Variants in ZNF804B observed in about 807,000 individuals in gnomAD.
ZNF804B encodes the protein zinc finger 804B.
Under a neutral mutation model 101.4 loss-of-function variants are expected in ZNF804B, and 80 were observed. The ratio of observed to expected loss-of-function variants is 0.79; its 90% CI spans 0.66 to 0.95. The LOEUF is 0.95. Among genes scored for constraint, ZNF804B ranks in the 40% least tolerant of loss-of-function variants. The pLI is 0.00. For synonymous variants in ZNF804B, 622 were observed against 558.8 expected (o/e 1.11, Z -1.59); for missense variants, 1,673 against 1,561.9 (o/e 1.07, Z -1.20).
chr7:89,239,712 G>A (rs1789337639), intron 2 of ZNF804B, among the ~76,000 whole-genome samples: 1 of 151,918 alleles, frequency 6.6e-6, no homozygotes, highest in Admixed American at 6.6e-5. Flanking sequence ...TATATCTACA[G>A]ATACATTGAG....
intron 1 of ZNF804B, among the ~76,000 whole-genome samples, chr7:89,190,774 A>G (rs1349552630): frequency 6.6e-6 from 1 of 152,272 alleles, no homozygotes; most frequent in South Asian, 2.1e-4. Context: ...ATCAGTCAGC[A>G]GAAATCAACA....
chr7:88,817,831 A>G (rs953319543), intron 1 of ZNF804B, among the ~76,000 whole-genome samples: 2 of 152,142 alleles, frequency 1.3e-5, no homozygotes, highest in Non-Finnish European at 2.9e-5. Context: ...CCCCCCCTGA[A>G]CTGAACTGTT....
intron 2 of ZNF804B, among the ~76,000 whole-genome samples, chr7:89,255,000 T>C (rs116917116): frequency 0.041 from 6,190 of 152,234 alleles, 134 homozygotes; most frequent in Non-Finnish European, 0.049. Flanking sequence ...AGTATTGTAA[T>C]ATATTAATCT....
chr7:88,882,993 CT>C (rs1792066306), intron 1 of ZNF804B, among the ~76,000 whole-genome samples: 1 of 151,878 alleles, frequency 6.6e-6, no homozygotes, highest in Non-Finnish European at 1.5e-5. Context: ...CATGTACCCC[CT>C]GAATCTAAAA....
intron 1 of ZNF804B, among the ~76,000 whole-genome samples, chr7:88,986,406 A>T (rs182987653): frequency 4.6e-5 from 7 of 152,228 alleles, no homozygotes; most frequent in Non-Finnish European, 8.8e-5. Flanking sequence ...GAGAAGCAAA[A>T]CTGAATATCC....
At chr7:88,994,683 A>G (rs895783812) in intron 1 of ZNF804B, among the ~76,000 whole-genome samples, 9 of 152,082 alleles carry the variant, frequency 5.9e-5, no homozygotes, top group African/African-American at 2.2e-4. Context: ...GATTCTGTTT[A>G]GAGATTTTCC....
chr7:89,299,681 C>T (rs1312149032), intron 2 of ZNF804B, among the ~76,000 whole-genome samples: 1 of 152,018 alleles, frequency 6.6e-6, no homozygotes, highest in African/African-American at 2.4e-5. Context: ...ACACGTCTGA[C>T]GTGACTCACT....
intron 1 of ZNF804B, among the ~76,000 whole-genome samples, chr7:89,149,438 G>A (rs746256745): frequency 2.0e-5 from 3 of 151,948 alleles, no homozygotes; most frequent in Non-Finnish European, 4.4e-5. Context: ...CAGCCTTATA[G>A]TGTATATAAA....
At chr7:89,149,049 T>G (rs1421873981) in intron 1 of ZNF804B, among the ~76,000 whole-genome samples, 1 of 151,966 alleles carries the variant, frequency 6.6e-6, no homozygotes, top group Non-Finnish European at 1.5e-5. Context: ...ATCTTGTCAC[T>G]CAATAGAAGA....
chr7:88,841,319 C>T (rs1791288963), intron 1 of ZNF804B, among the ~76,000 whole-genome samples: 1 of 152,168 alleles, frequency 6.6e-6, no homozygotes, highest in African/African-American at 2.4e-5. Context: ...AGGGTGAGGA[C>T]TTTTGGTCAC....
At chr7:88,953,545 GTTGT>G (rs1793256546) in intron 1 of ZNF804B, among the ~76,000 whole-genome samples, 1 of 151,702 alleles carries the variant, frequency 6.6e-6, no homozygotes, top group Non-Finnish European at 1.5e-5. Flanking sequence ...TAGAATTGAG[GTTGT>G]TTATTTTGTA....
rs146493050 is a variant in ZNF804B at position 88,933,721 on chromosome 7, T to C, written c.108+173637T>C. 7.3e-4 allele frequency among the ~76,000 whole-genome samples: 110 copies of C among 151,534 alleles called. 2 individuals carry two copies. The East Asian group carries it at 0.016, about 22-fold the overall frequency. ...AAACAAACAAGGAGTTGAAAGATCT[T>C]TACGATGAAAACTACAAACCACTGC... On this transcript the variant is annotated intron_variant, in intron 1 of 3. Transcript: ENST00000333190.
Position 89,335,198 on chromosome 7 carries a change from T to A in ZNF804B, c.2216T>A (p.Leu739Ter), listed in dbSNP as rs757878367. 1 of 1,613,886 alleles carries A rather than the reference T, an allele frequency of 6.2e-7. No individual in the cohort carries two copies. Among genetic ancestry groups the A allele is most frequent in the Non-Finnish European group, 8.5e-7 (1 of 1,179,926 alleles). The part of the protein sequence containing the change: ...HRFNGNSRGN[L>*]LCFHKREHHS... ...TTCAATGGTAATAGCAGAGGTAATT[T>A]GCTCTGCTTCCATAAAAGAGAACAC... The change falls in exon 4 of 4, where the codon TTG (leucine) becomes TAG (stop). Residue 739 changes from leucine (L) to a stop codon, truncating the protein, a stop_gained. Coordinates refer to ENST00000333190, the MANE Select transcript of ZNF804B (RefSeq NM_181646.5). LOFTEE classifies it high-confidence loss of function.
chr7:89,276,076 C>A lies in ZNF804B; in HGVS notation c.250-51268C>A, dbSNP rs548428374. 1.5e-4 allele frequency among the ~76,000 whole-genome samples: 23 copies of A among 151,862 alleles called. 1 individual carries two copies. In the East Asian group the frequency reaches 4.4e-3, roughly 29 times the overall value. On this transcript the variant is annotated intron_variant, in intron 2 of 3. Transcript: ENST00000333190. ...AGCAAACTAACACAGGAACAGAAAA[C>A]CAAACACCATATATTTTCATGTATA...
At chr7:88,927,278 C>A (rs1339098596) in intron 1 of ZNF804B, among the ~76,000 whole-genome samples, 1 of 152,018 alleles carries the variant, frequency 6.6e-6, no homozygotes, top group Non-Finnish European at 1.5e-5. Flanking sequence ...AGATGTTTTT[C>A]AAAAGTGCTT....
At chr7:88,933,763 T>G (rs937081045) in intron 1 of ZNF804B, among the ~76,000 whole-genome samples, 4 of 151,820 alleles carry the variant, frequency 2.6e-5, no homozygotes, top group African/African-American at 7.3e-5. Context: ...AAATCATAGA[T>G]GACACAAACA....
chr7:89,324,831 T>C lies in ZNF804B; in HGVS notation c.250-2513T>C, dbSNP rs184861457. Among the ~76,000 whole-genome samples, 611 of 151,408 alleles carry C rather than the reference T, an allele frequency of 4.0e-3. 20 individuals are homozygous for C. The highest frequency in any genetic ancestry group is 0.038 in the Admixed American group (580 of 15,136). On this transcript the variant is annotated intron_variant, in intron 2 of 3. Coordinates refer to ENST00000333190, the MANE Select transcript of ZNF804B (RefSeq NM_181646.5). ...AATTTTTCTCATTTCTGTTGGCTAT[T>C]TTTTTTTGTATTGCAATACATATCC...
At chr7:89,246,802 T>C (rs1789454509) in intron 2 of ZNF804B, among the ~76,000 whole-genome samples, 1 of 152,008 alleles carries the variant, frequency 6.6e-6, no homozygotes, top group South Asian at 2.1e-4. Flanking sequence ...CTCTACTCCA[T>C]ACTTAGGCAT....
chr7:89,067,311 G>A (rs537632408), intron 1 of ZNF804B, among the ~76,000 whole-genome samples: 3 of 152,194 alleles, frequency 2.0e-5, no homozygotes, highest in Non-Finnish European at 4.4e-5. Flanking sequence ...CTATCACTGG[G>A]AGGAGCCCAG....
Sources: allele counts gnomAD v4.1 joint callset (sites outside exome capture counted in the v4.1 genomes callset), GRCh38; gene constraint gnomAD v4.1.1; transcripts MANE v1.5; gene names NCBI Gene and HGNC (gene_info 2026-07-23, HGNC 2026-07-21).